FHIT: variants seen among roughly 807,000 people sequenced by gnomAD.
The protein encoded by FHIT is bis(5'-adenosyl)-triphosphatase.
A neutral mutation model predicts 17.9 loss-of-function variants in FHIT; 19 were observed. The ratio of observed to expected loss-of-function variants is 1.06; its 90% CI spans 0.74 to 1.56. The LOEUF is 1.56. Ranked by LOEUF, FHIT falls within the 40% of genes most tolerant of loss-of-function variation. The pLI is 0.00. For missense variants in FHIT, 248 were observed against 189.2 expected (o/e 1.31, Z -1.82); for synonymous variants, 81 against 69.7 (o/e 1.16, Z -0.81).
intron 5 of FHIT, among the ~76,000 whole-genome samples, chr3:60,173,046 A>G (rs574435310): frequency 3.5e-4 from 54 of 152,144 alleles, no homozygotes; most frequent in Non-Finnish European, 6.3e-4. Context: ...GTATCTGAAA[A>G]GCAATTATAA....
At chr3:60,534,926 A>G (rs184484970) in intron 5 of FHIT, among the ~76,000 whole-genome samples, 1 of 152,214 alleles carries the variant, frequency 6.6e-6, no homozygotes, top group African/African-American at 2.4e-5. Context: ...TTTAGACATC[A>G]CTTTTTCTGA....
intron 5 of FHIT, among the ~76,000 whole-genome samples, chr3:60,162,477 A>T (rs948646625): frequency 6.6e-6 from 1 of 152,134 alleles, no homozygotes; most frequent in African/African-American, 2.4e-5. Context: ...GTCCAGCCTC[A>T]GTTTCCCTAA....
intron 5 of FHIT, among the ~76,000 whole-genome samples, chr3:60,412,475 G>A (rs532230252): frequency 7.2e-5 from 11 of 151,948 alleles, no homozygotes; most frequent in African/African-American, 1.4e-4. Context: ...CCTCTCTTAC[G>A]CATTTCCCTC....
intron 5 of FHIT, among the ~76,000 whole-genome samples, chr3:60,304,675 A>G (rs1708596417): frequency 6.6e-6 from 1 of 152,130 alleles, no homozygotes. Flanking sequence ...ATTGCATGGG[A>G]CATACTTATT....
At position 60,021,646 on chromosome 3, in the gene FHIT, A is replaced by G. The variant is rs561752051; in HGVS notation, c.104-7494T>C. On this transcript the variant is annotated intron_variant, in intron 5 of 9. Coordinates refer to ENST00000492590, the MANE Select transcript of FHIT (RefSeq NM_002012.4). ...ATCAATAACCCTTTGAGTTAGGATA[A>G]TATCACCTCCCAATGTCCAGATTCA... is the stretch of plus-strand genomic sequence containing the variant. Among the ~76,000 whole-genome samples the G allele has an allele frequency of 7.4e-4, 113 of 152,328 alleles. 1 individual carries two copies. The highest frequency in any genetic ancestry group is 3.5e-4 in the Non-Finnish European group (24 of 68,032).
chr3:60,147,998 G>T (rs1700312348), intron 5 of FHIT, among the ~76,000 whole-genome samples: 1 of 152,166 alleles, frequency 6.6e-6, no homozygotes, highest in Non-Finnish European at 1.5e-5. Context: ...CCTCACAGGG[G>T]TTTAATAGTA....
intron 4 of FHIT, among the ~76,000 whole-genome samples, chr3:60,629,318 T>C (rs2039379890): frequency 6.6e-6 from 1 of 152,178 alleles, no homozygotes; most frequent in Non-Finnish European, 1.5e-5. Context: ...CTACAGACTC[T>C]CATGTTCTTA....
intron 5 of FHIT, among the ~76,000 whole-genome samples, chr3:60,104,781 C>T (rs951782110): frequency 6.6e-6 from 1 of 152,030 alleles, no homozygotes; most frequent in East Asian, 1.9e-4. Context: ...AATGCTACCT[C>T]GCCAAAGTTG....
At chr3:59,833,749 C>T (rs1701244744) in intron 8 of FHIT, among the ~76,000 whole-genome samples, 1 of 152,096 alleles carries the variant, frequency 6.6e-6, no homozygotes, top group Non-Finnish European at 1.5e-5. Flanking sequence ...AATCTCATCT[C>T]GAATTGTAAT....
chr3:61,080,413 G>A (rs912814109), intron 2 of FHIT, among the ~76,000 whole-genome samples: 3 of 151,636 alleles, frequency 2.0e-5, no homozygotes. Flanking sequence ...CCAGCCTTAG[G>A]AAAACACTAT....
intron 5 of FHIT, among the ~76,000 whole-genome samples, chr3:60,438,267 T>C (rs1390691020): frequency 6.6e-6 from 1 of 151,812 alleles, no homozygotes; most frequent in Non-Finnish European, 1.5e-5. Flanking sequence ...AACACACCGA[T>C]GGGTGGAGAT....
At chr3:60,897,404 C>A (rs1334878496) in intron 3 of FHIT, among the ~76,000 whole-genome samples, 2 of 152,130 alleles carry the variant, frequency 1.3e-5, no homozygotes, top group African/African-American at 4.8e-5. Flanking sequence ...AGAAATACAT[C>A]TTGCAACTAT....
intron 2 of FHIT, among the ~76,000 whole-genome samples, chr3:61,185,343 G>A (rs2038474246): frequency 1.3e-5 from 2 of 152,174 alleles, no homozygotes; most frequent in South Asian, 4.1e-4. Flanking sequence ...TGCTCAAGCT[G>A]AGCCAACCTC....
At chr3:61,063,255 C>CAAAAAA (rs371077056) in intron 2 of FHIT, among the ~76,000 whole-genome samples, 2 of 95,882 alleles carry the variant, frequency 2.1e-5, no homozygotes, top group Non-Finnish European at 2.2e-5. Context: ...GACTCTGTCT[C>CAAAAAA]AAAAAAAAAA....
At chr3:60,132,790 A>G (rs977769140) in intron 5 of FHIT, among the ~76,000 whole-genome samples, 1 of 152,182 alleles carries the variant, frequency 6.6e-6, no homozygotes, top group African/African-American at 2.4e-5. Context: ...AAATAAGGTA[A>G]AATGCCAGAG....
chr3:60,168,536 T>C (rs1020483416), intron 5 of FHIT, among the ~76,000 whole-genome samples: 8 of 152,156 alleles, frequency 5.3e-5, no homozygotes, highest in South Asian at 2.1e-4. Flanking sequence ...CCACTCTGCC[T>C]GCCAGAGGCT....
At position 59,748,293 on chromosome 3, in the gene FHIT, A is replaced by G. The variant is rs987386464; in HGVS notation, c.*1292T>C. On this transcript the variant is annotated 3_prime_UTR_variant, in exon 10 of 10. Coordinates refer to ENST00000492590, the MANE Select transcript of FHIT (RefSeq NM_002012.4). ...GTGGTCCACAAAGATAAGAAAAATC[A>G]TGACAAAATGGGAATGAATGCAATT... Among the ~76,000 whole-genome samples, 2 of 152,202 alleles carry G rather than the reference A, an allele frequency of 1.3e-5. No homozygotes were observed. The highest frequency in any genetic ancestry group is 2.4e-5 in the African/African-American group (1 of 41,462).
intron 4 of FHIT, among the ~76,000 whole-genome samples, chr3:60,710,830 C>T (rs2041507546): frequency 6.6e-6 from 1 of 152,324 alleles, no homozygotes. Context: ...CTGTAGGCTC[C>T]ACCTCTGGGG....
chr3:60,877,397 C>T lies in FHIT; in HGVS notation c.-110-55386G>A, dbSNP rs78486989. On this transcript the variant is annotated intron_variant, in intron 3 of 9. Transcript: ENST00000492590. ...ACCTTCACCTGCCCTCTCCCTTCAC[C>T]TGCCCTCTTGTGCTAGAGATGAAGC... Among the ~76,000 whole-genome samples the T allele has an allele frequency of 2.4e-3, 367 of 152,304 alleles. 1 individual carries two copies. The highest frequency in any genetic ancestry group is 8.3e-3 in the African/African-American group (347 of 41,570).
Sources: allele counts gnomAD v4.1 joint callset (sites outside exome capture counted in the v4.1 genomes callset), GRCh38; gene constraint gnomAD v4.1.1; transcripts MANE v1.5; gene names NCBI Gene and HGNC (gene_info 2026-07-23, HGNC 2026-07-21).